Variants in SLC13A1 observed in about 807,000 individuals in gnomAD.
SLC13A1 encodes the protein Na(+)/sulfate cotransporter.
SLC13A1 carries 65 observed loss-of-function variants against 70.0 expected under a neutral mutation model. That is an observed-to-expected ratio of 0.93 (90% CI 0.76 to 1.14). The LOEUF is 1.14. Among genes scored for constraint, SLC13A1 ranks in the 50% most tolerant of loss-of-function variants. SLC13A1 has a pLI of 0.00. For synonymous variants in SLC13A1, 275 were observed against 250.5 expected, an observed-to-expected ratio of 1.10 and a Z score of -0.92; for missense variants, 726 against 717.8, an observed-to-expected ratio of 1.01 and a Z score of -0.13.
At chr7:123,196,366 C>T (rs899458046) in intron 1 of SLC13A1, among the ~76,000 whole-genome samples, 1 of 152,012 alleles carries the variant, frequency 6.6e-6, no homozygotes, top group Non-Finnish European at 1.5e-5. Context: ...GTGAGATTCA[C>T]AGCAATGTAC....
chr7:123,165,455 G>A (rs1795038786), intron 6 of SLC13A1, among the ~76,000 whole-genome samples: 1 of 151,990 alleles, frequency 6.6e-6, no homozygotes, highest in Admixed American at 6.6e-5. Flanking sequence ...CTAATCAATG[G>A]CATCACAATC....
intron 7 of SLC13A1, among the ~76,000 whole-genome samples, chr7:123,138,968 G>A (rs1193959935): frequency 6.6e-6 from 1 of 152,070 alleles, no homozygotes; most frequent in Non-Finnish European, 1.5e-5. Context: ...GGCTTGTGGG[G>A]TATTATTCAA....
chr7:123,171,947 A>G (rs1435034029), intron 2 of SLC13A1, 43 bp from the exon 3 acceptor site: 1 of 1,581,026 alleles, frequency 6.3e-7, no homozygotes, highest in South Asian at 1.1e-5. Flanking sequence ...TTTGGTGGGG[A>G]AAAATAACAT....
At chr7:123,186,238 T>G (rs1180473342) in intron 1 of SLC13A1, among the ~76,000 whole-genome samples, 1 of 152,118 alleles carries the variant, frequency 6.6e-6, no homozygotes, top group African/African-American at 2.4e-5. Context: ...TTTCTTCTTT[T>G]GTGTTATTCA....
intron 7 of SLC13A1, among the ~76,000 whole-genome samples, chr7:123,141,285 A>G (rs1372004662): frequency 2.0e-5 from 3 of 152,110 alleles, no homozygotes; most frequent in African/African-American, 7.2e-5. Context: ...GTTTGATATT[A>G]TTTCAATTTT....
intron 7 of SLC13A1, among the ~76,000 whole-genome samples, chr7:123,138,459 G>C (rs896646753): frequency 1.3e-5 from 2 of 152,090 alleles, no homozygotes; most frequent in Admixed American, 1.3e-4. Context: ...GAATCACATG[G>C]TAGCTTTATT....
At chr7:123,166,651 T>A (rs1419249737) in intron 6 of SLC13A1, among the ~76,000 whole-genome samples, 1 of 152,096 alleles carries the variant, frequency 6.6e-6, no homozygotes, top group African/African-American at 2.4e-5. Context: ...GGTGTTTGGT[T>A]TTTTGTCCTT....
intron 7 of SLC13A1, among the ~76,000 whole-genome samples, chr7:123,138,109 C>G (rs1449843253): frequency 6.6e-6 from 1 of 152,146 alleles, no homozygotes; most frequent in African/African-American, 2.4e-5. Context: ...CTTCTACTGT[C>G]TATCACCATT....
intron 6 of SLC13A1, among the ~76,000 whole-genome samples, chr7:123,160,707 T>G (rs1349124314): frequency 6.6e-6 from 1 of 152,186 alleles, no homozygotes; most frequent in Non-Finnish European, 1.5e-5. Flanking sequence ...AAAAGCTGCT[T>G]TAACAAGTTT....
intron 10 of SLC13A1, among the ~76,000 whole-genome samples, chr7:123,128,056 A>G (rs1563320133): frequency 6.6e-6 from 1 of 151,926 alleles, no homozygotes; most frequent in Non-Finnish European, 1.5e-5. Flanking sequence ...TCAGCAATTG[A>G]TTACTGGTAT....
intron 7 of SLC13A1, among the ~76,000 whole-genome samples, chr7:123,142,258 T>A (rs1376452603): frequency 6.6e-6 from 1 of 152,056 alleles, no homozygotes; most frequent in African/African-American, 2.4e-5. Context: ...AAACTACCAC[T>A]GATGTTCCCT....
At chr7:123,119,583 C>A (rs968882354) in intron 12 of SLC13A1, among the ~76,000 whole-genome samples, 1 of 151,978 alleles carries the variant, frequency 6.6e-6, no homozygotes, top group Non-Finnish European at 1.5e-5. Flanking sequence ...TCACCTCTCT[C>A]TATTCCTAAG....
intron 7 of SLC13A1, among the ~76,000 whole-genome samples, chr7:123,144,096 G>T (rs1794259908): frequency 1.3e-5 from 2 of 152,166 alleles, no homozygotes; most frequent in Admixed American, 1.3e-4. Flanking sequence ...GGGGAGGTTG[G>T]ATTGGCAGGA....
Position 123,131,771 on chromosome 7 carries a change from G to A in SLC13A1, c.933-2290C>T, listed in dbSNP as rs551698488. Among the ~76,000 whole-genome samples the A allele has an allele frequency of 3.3e-5, 5 of 152,244 alleles. No individual in the cohort carries two copies. The East Asian group carries it at 9.6e-4, about 29-fold the overall frequency. ...TCTGTGCAGTGTTTAACAGATAGTG[G>A]ACACCAAGGGAACTGTTTAAACATA... On this transcript the variant is annotated intron_variant, in intron 8 of 14. Coordinates refer to ENST00000194130, the MANE Select transcript of SLC13A1 (RefSeq NM_022444.4).
intron 8 of SLC13A1, 136 bp from the exon 9 acceptor site, chr7:123,129,617 T>C (rs1305426665): frequency 1.6e-6 from 1 of 644,782 alleles, no homozygotes; most frequent in Non-Finnish European, 2.7e-6. Context: ...TCCCCGTTAA[T>C]AACAGATATC....
chr7:123,140,874 G>A (rs1471990089), intron 7 of SLC13A1, among the ~76,000 whole-genome samples: 1 of 151,786 alleles, frequency 6.6e-6, no homozygotes, highest in Non-Finnish European at 1.5e-5. Flanking sequence ...AAAAAGAAAA[G>A]TTTTCATTGA....
chr7:123,119,773 C>T (rs1404485417), intron 12 of SLC13A1, among the ~76,000 whole-genome samples: 1 of 132,760 alleles, frequency 7.5e-6, no homozygotes, highest in Non-Finnish European at 1.6e-5. Flanking sequence ...CTCTCTTACA[C>T]CATCTACCAA....
intron 8 of SLC13A1, among the ~76,000 whole-genome samples, chr7:123,133,867 G>A (rs868746653): frequency 6.6e-6 from 1 of 151,052 alleles, no homozygotes; most frequent in African/African-American, 2.4e-5. Flanking sequence ...TTTTGAGACC[G>A]TTCTCTGTCG....
intron 6 of SLC13A1, among the ~76,000 whole-genome samples, chr7:123,164,581 T>A (rs1260626760): frequency 1.3e-5 from 2 of 151,918 alleles, no homozygotes; most frequent in Non-Finnish European, 2.9e-5. Flanking sequence ...AAGCTAAGCC[T>A]TTTATTTTAT....
Sources: allele counts gnomAD v4.1 joint callset (sites outside exome capture counted in the v4.1 genomes callset), GRCh38; gene constraint gnomAD v4.1.1; transcripts MANE v1.5; gene names NCBI Gene and HGNC (gene_info 2026-07-23, HGNC 2026-07-21).